The following EDA variants were observed in gnomAD, a reference collection of about 807,000 sequenced individuals.
EDA encodes the protein ectodysplasin-A.
Under a neutral mutation model 23.6 loss-of-function variants are expected in EDA, and 2 were observed. The ratio of observed to expected loss-of-function variants is 0.08; its 90% confidence interval spans 0.03 to 0.27. The LOEUF (loss-of-function observed/expected upper bound fraction) is 0.27, where lower values mean the gene tolerates loss of function less well. Ranked by LOEUF, EDA falls within the 10% of genes least tolerant of loss-of-function variation. The probability of loss-of-function intolerance (pLI) is 1.00; values close to 1 mark genes in which losing one functional copy is unlikely to be tolerated. For missense variants in EDA, 229 were observed against 324.2 expected (o/e 0.71, Z 2.26); for synonymous variants, 131 against 132.0 (o/e 0.99, Z 0.05).
At chrX:70,023,840 T>C (rs927524467) in intron 3 of EDA, among the ~76,000 whole-genome samples, 1 of 111,942 alleles carries the variant, frequency 8.9e-6, no homozygotes, top group African/African-American at 3.2e-5. Flanking sequence ...ATTTTCTCTG[T>C]AATGAAAAAG....
intron 1 of EDA, among the ~76,000 whole-genome samples, chrX:69,932,334 C>G (rs1225946531): frequency 9.0e-6 from 1 of 110,965 alleles, no homozygotes; most frequent in African/African-American, 3.3e-5. Context: ...TAAATATGTA[C>G]AATTTGTTGT....
intron 3 of EDA, among the ~76,000 whole-genome samples, chrX:70,023,738 T>G (rs1306007819): frequency 9.0e-6 from 1 of 111,321 alleles, no homozygotes; most frequent in Non-Finnish European, 1.9e-5. Flanking sequence ...TATCAAAAGA[T>G]GTCAGTACCC....
intron 1 of EDA, among the ~76,000 whole-genome samples, chrX:69,914,753 G>T (rs1466705604): frequency 2.7e-5 from 3 of 111,831 alleles, no homozygotes; most frequent in Non-Finnish European, 5.6e-5. Flanking sequence ...TTAGATATCA[G>T]TAATATTCTT....
chrX:69,781,626 T>C (rs2014947312), intron 1 of EDA, among the ~76,000 whole-genome samples: 1 of 111,733 alleles, frequency 8.9e-6, no homozygotes, highest in Admixed American at 9.6e-5. Flanking sequence ...ATTTTGAATG[T>C]CTTGGTGAAG....
At chrX:69,965,482 T>TA (rs1288861316) in intron 2 of EDA, among the ~76,000 whole-genome samples, 1 of 112,425 alleles carries the variant, frequency 8.9e-6, no homozygotes, top group African/African-American at 3.2e-5. Flanking sequence ...ACACATACTG[T>TA]AATCCAGCAA....
chrX:69,750,583 T>C (rs918793114), intron 1 of EDA, among the ~76,000 whole-genome samples: 1 of 111,358 alleles, frequency 9.0e-6, no homozygotes, highest in Non-Finnish European at 1.9e-5. Context: ...TTCTAGATCC[T>C]TGAGGAATCT....
chrX:69,756,023 G>C (rs780177721), intron 1 of EDA, among the ~76,000 whole-genome samples: 1 of 111,999 alleles, frequency 8.9e-6, no homozygotes, highest in African/African-American at 3.2e-5. Flanking sequence ...CGGGTGAGGC[G>C]ATGCCCCGCC....
intron 1 of EDA, among the ~76,000 whole-genome samples, chrX:69,665,750 T>A (rs1933661576): frequency 9.0e-6 from 1 of 111,649 alleles, no homozygotes; most frequent in African/African-American, 3.2e-5. Flanking sequence ...GGAAGTATGA[T>A]GCCTCCAATT....
intron 1 of EDA, among the ~76,000 whole-genome samples, chrX:69,878,988 A>G (rs143826853): frequency 0.013 from 1,451 of 111,291 alleles, 16 homozygotes; most frequent in African/African-American, 0.043. Flanking sequence ...TTTGCTGACT[A>G]TAAAAATAAA....
chrX:69,755,861 G>A (rs1479901725), intron 1 of EDA, among the ~76,000 whole-genome samples: 1 of 112,763 alleles, frequency 8.9e-6, no homozygotes, highest in Non-Finnish European at 1.9e-5. Flanking sequence ...GACCCTCCGA[G>A]CCAGGCATGG....
chrX:69,968,418 G>A (rs898709023), intron 2 of EDA, among the ~76,000 whole-genome samples: 1 of 111,935 alleles, frequency 8.9e-6, no homozygotes, highest in Non-Finnish European at 1.9e-5. Context: ...CAATCCCCTA[G>A]GTTTGCTGGC....
intron 1 of EDA, among the ~76,000 whole-genome samples, chrX:69,881,059 G>T (rs2017738243): frequency 9.0e-6 from 1 of 111,691 alleles, no homozygotes; most frequent in South Asian, 3.8e-4. Flanking sequence ...AGGGGGAGTG[G>T]TGGCAAAGCC....
At chrX:69,888,430 A>T (rs1187229514) in intron 1 of EDA, among the ~76,000 whole-genome samples, 2 of 109,719 alleles carry the variant, frequency 1.8e-5, no homozygotes, top group East Asian at 5.8e-4. Flanking sequence ...AATGACAGTG[A>T]TAAGTCCTTA....
chrX:69,870,716 G>T (rs2017553198), intron 1 of EDA, among the ~76,000 whole-genome samples: 2 of 111,685 alleles, frequency 1.8e-5, no homozygotes, highest in Admixed American at 9.5e-5. Flanking sequence ...CCAGGTTGCA[G>T]GGTCCCATTT....
intron 1 of EDA, among the ~76,000 whole-genome samples, chrX:69,926,179 T>A (rs758459329): frequency 1.8e-5 from 2 of 110,711 alleles, no homozygotes; most frequent in Non-Finnish European, 3.8e-5. Flanking sequence ...TGATCTTAGT[T>A]ATTTCTTGTC....
chrX:70,022,526 C>T (rs778554805), intron 2 of EDA, among the ~76,000 whole-genome samples: 2 of 108,688 alleles, frequency 1.8e-5, no homozygotes, highest in South Asian at 8.2e-4. Context: ...TTAGTAGAGA[C>T]GAGGTTTCAC....
chrX:69,817,597 C>A (rs1462761925), intron 1 of EDA, among the ~76,000 whole-genome samples: 3 of 111,915 alleles, frequency 2.7e-5, no homozygotes, highest in Non-Finnish European at 5.6e-5. Context: ...AGATTTTAAA[C>A]CAACCAAGAT....
chrX:69,781,105 C>A (rs941135292), intron 1 of EDA, among the ~76,000 whole-genome samples: 1 of 111,241 alleles, frequency 9.0e-6, no homozygotes, highest in African/African-American at 3.3e-5. Flanking sequence ...AATAATAGTC[C>A]ATTGTATGAA....
At chrX:69,682,190 A>T (rs774251570) in intron 1 of EDA, among the ~76,000 whole-genome samples, 1 of 112,256 alleles carries the variant, frequency 8.9e-6, no homozygotes, top group East Asian at 2.8e-4. Flanking sequence ...TCAGATCTCC[A>T]GCTGCGTGCT....
Sources: allele counts gnomAD v4.1 joint callset (sites outside exome capture counted in the v4.1 genomes callset), GRCh38; gene constraint gnomAD v4.1.1; transcripts MANE v1.5; gene names NCBI Gene and HGNC (gene_info 2026-07-23, HGNC 2026-07-21).